PLD5: variants seen among roughly 807,000 people sequenced by gnomAD.
PLD5 encodes the protein phospholipase D family member 5, also known as inactive phospholipase D5.
Under a neutral mutation model 61.1 loss-of-function variants are expected in PLD5, and 36 were observed. The observed-to-expected ratio is 0.59, with a 90% CI of 0.45 to 0.78. The LOEUF (loss-of-function observed/expected upper bound fraction) is 0.78, where lower values mean the gene tolerates loss of function less well. Among genes scored for constraint, PLD5 ranks in the 30% least tolerant of loss-of-function variants. The probability of loss-of-function intolerance (pLI) is 0.00; values close to 1 mark genes in which losing one functional copy is unlikely to be tolerated. For missense variants in PLD5, 515 were observed against 644.4 expected (o/e 0.80, Z 2.17); for synonymous variants, 243 against 242.8 (o/e 1.00, Z -0.01).
At chr1:242,322,862 T>C (rs567966625) in intron 2 of PLD5, among the ~76,000 whole-genome samples, 2 of 152,310 alleles carry the variant, frequency 1.3e-5, no homozygotes, top group South Asian at 4.2e-4. Flanking sequence ...TCTCAGGTAG[T>C]TCTTTATAGC....
rs1662705151 is a variant in PLD5 at position 242,125,416 on chromosome 1, A to G, written c.736-751T>C. On this transcript the variant is annotated intron_variant, in intron 5 of 9. Coordinates refer to ENST00000536534, the MANE Select transcript of PLD5 (RefSeq NM_001372062.1). The stretch of plus-strand genomic sequence containing the variant: ...AAAGCTCACACAAATAAGTAAAAAT[A>G]CTAGCCCCAAGTTAGAGATTTAGTC... 2.6e-5 allele frequency among the ~76,000 whole-genome samples: 4 copies of G among 152,162 alleles called. No individual in the cohort carries two copies. The South Asian group carries it at 8.3e-4, about 32-fold the overall frequency.
chr1:242,480,852 T>G (rs1169355485), intron 1 of PLD5, among the ~76,000 whole-genome samples: 1 of 152,188 alleles, frequency 6.6e-6, no homozygotes, highest in Non-Finnish European at 1.5e-5. Flanking sequence ...CTACATAGCA[T>G]GTGTTGGCGA....
chr1:242,507,374 T>C (rs1339103264), intron 1 of PLD5, among the ~76,000 whole-genome samples: 1 of 152,194 alleles, frequency 6.6e-6, no homozygotes, highest in African/African-American at 2.4e-5. Context: ...CAGGAGGTCA[T>C]TCAAGCCTCT....
At chr1:242,400,035 G>C (rs2149277226) in intron 1 of PLD5, among the ~76,000 whole-genome samples, 1 of 152,208 alleles carries the variant, frequency 6.6e-6, no homozygotes, top group African/African-American at 2.4e-5. Context: ...GGGCTTGGTG[G>C]CAGGCGCCTG....
At chr1:242,443,204 T>C (rs1369047843) in intron 1 of PLD5, among the ~76,000 whole-genome samples, 1 of 152,176 alleles carries the variant, frequency 6.6e-6, no homozygotes, top group Non-Finnish European at 1.5e-5. Context: ...CTTAAGACAC[T>C]TTTATATATT....
At chr1:242,343,446 G>A (rs2149215322) in intron 2 of PLD5, among the ~76,000 whole-genome samples, 1 of 152,080 alleles carries the variant, frequency 6.6e-6, no homozygotes, top group Non-Finnish European at 1.5e-5. Context: ...CTCCAGGAAA[G>A]GGATGAAGTC....
chr1:242,421,916 A>C lies in PLD5; in HGVS notation c.190-73674T>G, dbSNP rs576444697. On this transcript the variant is annotated intron_variant, in intron 1 of 9. Transcript: ENST00000536534. ...GTGTTTAACAGTATGTGTCCAGAGG[A>C]TACCATGTTTTCCTAAAGCAGGGCA... Among the ~76,000 whole-genome samples, 34 of 152,336 alleles carry C rather than the reference A, an allele frequency of 2.2e-4. 1 individual carries two copies. Among genetic ancestry groups the C allele is most frequent in the South Asian group, 8.3e-4 (4 of 4,830 alleles).
chr1:242,434,297 G>A (rs866649698), intron 1 of PLD5, among the ~76,000 whole-genome samples: 6 of 152,346 alleles, frequency 3.9e-5, no homozygotes, highest in Admixed American at 6.5e-5. Flanking sequence ...GAGTGGAAGA[G>A]AAGAGCCGAG....
At chr1:242,135,748 A>C (rs958844000) in intron 5 of PLD5, among the ~76,000 whole-genome samples, 3 of 152,160 alleles carry the variant, frequency 2.0e-5, no homozygotes, top group African/African-American at 7.2e-5. Flanking sequence ...CCTTATCTCC[A>C]TCATGACTTT....
chr1:242,284,046 A>G lies in PLD5; in HGVS notation c.495+4316T>C, dbSNP rs555781547. ...TTTCTCCATTCTTCATCACTTCACA[A>G]TTATTCCCCTACCTGCCCAGTGAGA... On this transcript the variant is annotated intron_variant, in intron 3 of 9. Coordinates refer to ENST00000536534, the MANE Select transcript of PLD5 (RefSeq NM_001372062.1). 5.3e-5 allele frequency among the ~76,000 whole-genome samples: 8 copies of G among 149,702 alleles called. No homozygotes were observed. The East Asian group carries it at 1.6e-3, about 29-fold the overall frequency.
At chr1:242,227,426 G>A (rs1164656246) in intron 4 of PLD5, among the ~76,000 whole-genome samples, 1 of 152,036 alleles carries the variant, frequency 6.6e-6, no homozygotes, top group Admixed American at 6.6e-5. Context: ...GTGCAGTGGT[G>A]CGATCTTGGC....
intron 1 of PLD5, among the ~76,000 whole-genome samples, chr1:242,496,078 T>C (rs972831744): frequency 6.6e-6 from 1 of 152,252 alleles, no homozygotes; most frequent in Non-Finnish European, 1.5e-5. Context: ...AGTGTATTTG[T>C]TCTTTAGTGC....
At chr1:242,303,808 G>A (rs1676194118) in intron 2 of PLD5, among the ~76,000 whole-genome samples, 1 of 152,166 alleles carries the variant, frequency 6.6e-6, no homozygotes, top group Non-Finnish European at 1.5e-5. Flanking sequence ...ATTAAACTCT[G>A]CTCTATCATT....
At chr1:242,417,181 G>A (rs1041720497) in intron 1 of PLD5, among the ~76,000 whole-genome samples, 1 of 152,200 alleles carries the variant, frequency 6.6e-6, no homozygotes, top group Admixed American at 6.5e-5. Flanking sequence ...TCTGGGGGAA[G>A]AAGATTCCAG....
chr1:242,139,024 T>C (rs1663961723), intron 5 of PLD5, among the ~76,000 whole-genome samples: 1 of 152,214 alleles, frequency 6.6e-6, no homozygotes, highest in African/African-American at 2.4e-5. Flanking sequence ...GACTCAAGCA[T>C]GCTGTCACTT....
chr1:242,399,772 C>T (rs1441060234), intron 1 of PLD5, among the ~76,000 whole-genome samples: 3 of 152,170 alleles, frequency 2.0e-5, no homozygotes, highest in Admixed American at 6.5e-5. Flanking sequence ...GCATCACCTC[C>T]TGAGCTCCGC....
intron 3 of PLD5, among the ~76,000 whole-genome samples, chr1:242,286,951 C>A (rs1349035095): frequency 6.6e-6 from 1 of 152,104 alleles, no homozygotes; most frequent in Admixed American, 6.5e-5. Flanking sequence ...AGAGAATGGG[C>A]TGTGGTATGT....
chr1:242,089,320 A>G lies in PLD5; in HGVS notation c.*534T>C. The G allele has an allele frequency of 2.5e-6, 1 of 399,980 alleles. No individual in the cohort carries two copies. Among genetic ancestry groups the G allele is most frequent in the Non-Finnish European group, 4.4e-6 (1 of 227,018 alleles). The allele number at this position is 399,980 out of a possible 1,614,324, so 24.8% of individuals were successfully genotyped here. On this transcript the variant is annotated 3_prime_UTR_variant, in exon 10 of 10. Transcript: ENST00000536534. ...GGTATAAGAAGAAAATGAGCAAGAC[A>G]GAAAAGGATATTTTTCAAGGGTGTT...
At chr1:242,163,221 G>A (rs1250628309) in intron 5 of PLD5, among the ~76,000 whole-genome samples, 1 of 149,674 alleles carries the variant, frequency 6.7e-6, no homozygotes, top group Non-Finnish European at 1.5e-5. Context: ...TCGGCTCACT[G>A]CAAGCTCCGC....
Sources: allele counts gnomAD v4.1 joint callset (sites outside exome capture counted in the v4.1 genomes callset), GRCh38; gene constraint gnomAD v4.1.1; transcripts MANE v1.5; gene names NCBI Gene and HGNC (gene_info 2026-07-23, HGNC 2026-07-21).